The following EPHA6 variants were observed in gnomAD, a reference collection of about 807,000 sequenced individuals.
The protein encoded by EPHA6 is EPH receptor A6, also known as ephrin type-A receptor 6.
A neutral mutation model predicts 112.0 loss-of-function variants in EPHA6; 50 were observed. The observed-to-expected ratio is 0.45, with a 90% CI of 0.36 to 0.56. EPHA6 has a LOEUF of 0.56. Ranked by LOEUF, EPHA6 falls within the 20% of genes least tolerant of loss-of-function variation. EPHA6 has a pLI of 0.00. For synonymous variants in EPHA6, 529 were observed against 490.7 expected, an observed-to-expected ratio of 1.08 and a Z score of -1.03; for missense variants, 1,280 against 1,417.4, an observed-to-expected ratio of 0.90 and a Z score of 1.56.
intron 5 of EPHA6, among the ~76,000 whole-genome samples, chr3:97,296,688 C>A (rs1226908911): frequency 2.0e-5 from 3 of 151,998 alleles, no homozygotes; most frequent in African/African-American, 7.3e-5. Flanking sequence ...GTACCATGGC[C>A]CTGTTGTGAG....
At chr3:97,262,904 T>A (rs1344825651) in intron 5 of EPHA6, among the ~76,000 whole-genome samples, 1 of 152,204 alleles carries the variant, frequency 6.6e-6, no homozygotes, top group Non-Finnish European at 1.5e-5. Context: ...AATGTATGAA[T>A]GCATGAACAG....
intron 2 of EPHA6, among the ~76,000 whole-genome samples, chr3:96,966,522 G>A (rs908748388): frequency 1.3e-5 from 2 of 152,058 alleles, no homozygotes; most frequent in Non-Finnish European, 2.9e-5. Flanking sequence ...GCGTAATTAC[G>A]TATCTGCTCC....
chr3:97,608,316 G>A (rs1391029875), intron 12 of EPHA6, among the ~76,000 whole-genome samples: 4 of 151,158 alleles, frequency 2.6e-5, no homozygotes, highest in South Asian at 2.1e-4. Context: ...AACTAATTTC[G>A]AAGTACTGTA....
At chr3:97,629,307 G>T (rs2093884201) in intron 13 of EPHA6, among the ~76,000 whole-genome samples, 1 of 151,930 alleles carries the variant, frequency 6.6e-6, no homozygotes, top group South Asian at 2.1e-4. Flanking sequence ...TAAACTTCAT[G>T]CAGTAGAATG....
intron 11 of EPHA6, among the ~76,000 whole-genome samples, chr3:97,539,051 C>CT (rs1428887873): frequency 2.0e-5 from 3 of 146,808 alleles, no homozygotes; most frequent in African/African-American, 7.6e-5. Context: ...TTCTTTCTTT[C>CT]TTTTTCTCTT....
chr3:96,843,814 A>G (rs1430561060), intron 1 of EPHA6, among the ~76,000 whole-genome samples: 1 of 152,070 alleles, frequency 6.6e-6, no homozygotes, highest in African/African-American at 2.4e-5. Flanking sequence ...TGCCTTAACA[A>G]TGACAATAGT....
intron 12 of EPHA6, among the ~76,000 whole-genome samples, chr3:97,598,811 T>G (rs1349171832): frequency 2.0e-5 from 3 of 151,966 alleles, no homozygotes; most frequent in Non-Finnish European, 2.9e-5. Flanking sequence ...AAATGGTATT[T>G]CTAGTTCTAG....
At position 96,939,944 on chromosome 3, in the gene EPHA6, T is replaced by G. The variant is rs574987924; in HGVS notation, c.451-47386T>G. Among the ~76,000 whole-genome samples, 12 of 152,272 alleles carry G rather than the reference T, an allele frequency of 7.9e-5. No individual in the cohort carries two copies. In the South Asian group the frequency reaches 2.5e-3, roughly 32 times the overall value. ...GAGTTTCTTAATCCTGAGTTCTAGT[T>G]TGATTGCACTGTGGTCTGAGAGACA... On this transcript the variant is annotated intron_variant, in intron 2 of 17. Coordinates refer to ENST00000389672, the MANE Select transcript of EPHA6 (RefSeq NM_001080448.3).
intron 14 of EPHA6, among the ~76,000 whole-genome samples, chr3:97,663,535 C>A (rs181143631): frequency 7.2e-4 from 103 of 143,630 alleles, no homozygotes; most frequent in Admixed American, 2.2e-3. Context: ...CTTCCTCTAT[C>A]CAAGTGTTCT....
intron 10 of EPHA6, among the ~76,000 whole-genome samples, chr3:97,501,991 G>A (rs2092129771): frequency 6.6e-6 from 1 of 151,824 alleles, no homozygotes; most frequent in Non-Finnish European, 1.5e-5. Flanking sequence ...CCATGTCTGT[G>A]CCTTCCATGG....
intron 11 of EPHA6, among the ~76,000 whole-genome samples, chr3:97,533,751 A>G (rs1049008248): frequency 2.6e-5 from 4 of 152,056 alleles, no homozygotes; most frequent in African/African-American, 9.7e-5. Context: ...AATAAAGGCA[A>G]TCCATAAGAT....
At chr3:97,220,591 G>A (rs375080279) in intron 3 of EPHA6, among the ~76,000 whole-genome samples, 1 of 152,202 alleles carries the variant, frequency 6.6e-6, no homozygotes, top group African/African-American at 2.4e-5. Context: ...GCCTAGAGAA[G>A]GGGGAAGAGC....
At chr3:96,988,028 T>C in intron 3 of EPHA6, 35 bp downstream of exon 3, 1 of 1,467,582 alleles carries the variant, frequency 6.8e-7, no homozygotes, top group Middle Eastern at 1.8e-4. Context: ...TTATCTTGCA[T>C]TTAAATGATT....
At chr3:97,260,574 T>C (rs1034462070) in intron 5 of EPHA6, among the ~76,000 whole-genome samples, 15 of 152,166 alleles carry the variant, frequency 9.9e-5, no homozygotes, top group Non-Finnish European at 1.9e-4. Flanking sequence ...CTTTTGGGGA[T>C]TGTTCTTTTA....
At chr3:97,263,040 A>G (rs1467411796) in intron 5 of EPHA6, among the ~76,000 whole-genome samples, 1 of 152,240 alleles carries the variant, frequency 6.6e-6, no homozygotes. Flanking sequence ...AAAACTAGCT[A>G]TAAATGTCAA....
chr3:97,758,989 ATATATGC>A lies in EPHA6; in HGVS notation c.*10292_*10298del, dbSNP rs925857464. Among the ~76,000 whole-genome samples, 1 of 152,060 alleles carries A rather than the reference ATATATGC, an allele frequency of 6.6e-6. No individual in the cohort carries two copies. Among genetic ancestry groups the A allele is most frequent in the African/African-American group, 2.4e-5 (1 of 41,450 alleles). ...TTCAAGATTTGGAAGGCATCAGTATATATATGCTATTTAAAGTTTGGAAATCACCTAG... is the reference window on the plus strand; with the variant it reads ...TTCAAGATTTGGAAGGCATCAGTATATATTTAAAGTTTGGAAATCACCTAG... On this transcript the variant is annotated 3_prime_UTR_variant, in exon 18 of 18. Transcript: ENST00000389672.
chr3:97,069,196 A>G (rs1274855217), intron 3 of EPHA6, among the ~76,000 whole-genome samples: 4 of 152,168 alleles, frequency 2.6e-5, no homozygotes, highest in Admixed American at 6.5e-5. Flanking sequence ...TGTAGGATAA[A>G]TTTATTATAT....
chr3:97,139,672 G>A (rs145164874), intron 3 of EPHA6, among the ~76,000 whole-genome samples: 133 of 152,120 alleles, frequency 8.7e-4, no homozygotes, highest in African/African-American at 3.1e-3. Flanking sequence ...TCCCACCCTC[G>A]GGGGGAAACA....
intron 2 of EPHA6, among the ~76,000 whole-genome samples, chr3:96,882,403 A>C (rs886452697): frequency 3.3e-5 from 5 of 152,118 alleles, no homozygotes; most frequent in African/African-American, 1.2e-4. Flanking sequence ...GGTTACATGC[A>C]TGAGTAAGTT....
Sources: gnomAD v4.1 joint callset for allele counts (sites outside exome capture counted in the v4.1 genomes callset) on GRCh38, gnomAD v4.1.1 for gene constraint, MANE v1.5 for transcripts, NCBI Gene and HGNC (gene_info 2026-07-23, HGNC 2026-07-21) for gene names.